DIPK1B: variants seen among roughly 807,000 people sequenced by gnomAD.
The protein encoded by DIPK1B is divergent protein kinase domain 1B, also known as family with sequence similarity 69 member B.
Under a neutral mutation model 20.7 loss-of-function variants are expected in DIPK1B, and 17 were observed. That is an observed-to-expected ratio of 0.82 (90% CI 0.56 to 1.23). DIPK1B has a LOEUF of 1.23. DIPK1B is among the 50% of genes most tolerant of loss of function. The pLI, the probability that DIPK1B is intolerant of heterozygous loss-of-function variation, is 0.00. For synonymous variants in DIPK1B, 343 were observed against 276.5 expected (o/e 1.24, Z -2.39); for missense variants, 648 against 601.8 (o/e 1.08, Z -0.80).
At chr9:136,722,089 G>A (rs1287528348) in intron 3 of DIPK1B, 36 bp from the exon 4 acceptor site, 2 of 1,613,558 alleles carry the variant, frequency 1.2e-6, no homozygotes, top group Non-Finnish European at 1.7e-6. Flanking sequence ...GTGGGAGGGG[G>A]ATGTCTGCAC....
intron 1 of DIPK1B, among the ~76,000 whole-genome samples, chr9:136,713,191 C>T (rs991684035): frequency 6.6e-6 from 1 of 152,126 alleles, no homozygotes; most frequent in African/African-American, 2.4e-5. Context: ...CTTGAACCAC[C>T]GTCCCCTCCA....
Position 136,723,537 on chromosome 9 carries a change from C to T in DIPK1B, c.1059C>T (p.Leu353=), listed in dbSNP as rs137968561. 96 of 1,600,102 alleles carry T rather than the reference C, an allele frequency of 6.0e-5. 1 individual carries two copies. In the Middle Eastern group the frequency reaches 8.3e-4, roughly 14 times the overall value. The part of the protein sequence containing the change: ...GRDCRAPCDR[L]MRQCKGDLIQ... ...ACTGCAGGGCCCCGTGTGACAGGCT[C>T]ATGAGGCAGTGCAAGGGCGACCTCA... The change falls in exon 5 of 5, where the codon CTC becomes CTT. Residue 353 remains leucine (L), a synonymous_variant. Transcript: ENST00000371692.
At position 136,723,621 on chromosome 9, in the gene DIPK1B, G is replaced by A. The variant is rs774837347; in HGVS notation, c.1143G>A (p.Ala381=). 2.9e-5 allele frequency: 46 copies of A among 1,578,420 alleles called. No homozygotes were observed. Among genetic ancestry groups the A allele is most frequent in the African/African-American group, 1.1e-4 (8 of 74,134 alleles). ...TACGGGGCTACCTGCTGCCTGGCGCGCCCGCCGACCTCCGCGAGGAGCTGG... is the reference window on the plus strand; with the variant it reads ...TACGGGGCTACCTGCTGCCTGGCGCACCCGCCGACCTCCGCGAGGAGCTGG... ...ALLRGYLLPG[A]PADLREELGT... The change falls in exon 5 of 5, where the codon GCG becomes GCA. Residue 381 remains alanine, a synonymous_variant. Coordinates refer to ENST00000371692, the MANE Select transcript of DIPK1B (RefSeq NM_152421.4).
Position 136,723,179 on chromosome 9 carries a change from T to G in DIPK1B, c.701T>G (p.Val234Gly), listed in dbSNP as rs1846641859. The change falls in exon 5 of 5, where the codon GTG becomes GGG. Residue 234 changes from valine (V) to glycine (G), a missense_variant. By Grantham distance (109) the Val-to-Gly change is moderately radical. Coordinates refer to ENST00000371692, the MANE Select transcript of DIPK1B (RefSeq NM_152421.4). ...GGGGACCTCTACCTCACCGAGGGCGTGCCGCATGGCGCCTGGCACGCGGCC... is the reference window on the plus strand; with the variant it reads ...GGGGACCTCTACCTCACCGAGGGCGGGCCGCATGGCGCCTGGCACGCGGCC... The part of the protein sequence containing the change: ...YCGDLYLTEG[V>G]PHGAWHAAAL... 3 of 1,612,960 alleles carry G rather than the reference T, an allele frequency of 1.9e-6. No homozygotes were observed. Among genetic ancestry groups the G allele is most frequent in the Non-Finnish European group, 1.7e-6 (2 of 1,179,912 alleles).
chr9:136,712,666 ATGCGGCGGC>A lies in DIPK1B; in HGVS notation c.9_17del (p.ArgArgLeu5_?7). 1.6e-6 allele frequency: 2 copies of A among 1,287,904 alleles called. No homozygotes were observed. Among genetic ancestry groups the A allele is most frequent in the East Asian group, 3.3e-5 (1 of 30,498 alleles). The allele number at this position is 1,287,904 out of a possible 1,614,324, so 79.8% of individuals were successfully genotyped here. On this transcript the variant is annotated start_lost and inframe_deletion, in exon 1 of 5. Coordinates refer to ENST00000371692, the MANE Select transcript of DIPK1B (RefSeq NM_152421.4). This position sits in a 1 kb window ranked among gnomAD's most constrained non-coding sequence, Gnocchi z 5.6. Reference sequence around the variant, plus strand: ...CGCGCAGCCCCGGCCGGAGCCCACCATGCGGCGGCTGCGGCGCCTGGCGCACCTGGTGCT... The same window carrying A: ...CGCGCAGCCCCGGCCGGAGCCCACCATGCGGCGCCTGGCGCACCTGGTGCT...
Position 136,723,396 on chromosome 9 carries a change from A to G in DIPK1B, c.918A>G (p.Thr306=), listed in dbSNP as rs555256443. 3.7e-6 allele frequency: 6 copies of G among 1,613,114 alleles called. No homozygotes were observed. In the Admixed American group the frequency reaches 1.0e-4, roughly 27 times the overall value. ...CCACACTGGCCAACGTGGGCTACAC[A>G]GCCACCTACGACTTCAAGATGGCCG... ...CETTLANVGY[T]ATYDFKMADL... Residue 306 remains threonine (T), a synonymous_variant, in exon 5 of 5, where the codon ACA becomes ACG. Transcript: ENST00000371692.
Position 136,722,277 on chromosome 9 carries a change from G to A in DIPK1B, c.459G>A (p.Arg153=). The change falls in exon 4 of 5, where the codon CGG becomes CGA. Residue 153 remains arginine (R), a synonymous_variant. Coordinates refer to ENST00000371692, the MANE Select transcript of DIPK1B (RefSeq NM_152421.4). ...PTRGTSIKEF[R]EMTLSFLKAN... ...GGGGCACCTCCATCAAGGAATTCCGGGAGATGACCCTCAGCTTCCTCAAGG... is the reference window on the plus strand; with the variant it reads ...GGGGCACCTCCATCAAGGAATTCCGAGAGATGACCCTCAGCTTCCTCAAGG... 1 of 1,613,668 alleles carries A rather than the reference G, an allele frequency of 6.2e-7. No homozygotes were observed. The highest frequency in any genetic ancestry group is 8.5e-7 in the Non-Finnish European group (1 of 1,179,868).
Position 136,723,617 on chromosome 9 carries a change from G to A in DIPK1B, c.1139G>A (p.Gly380Asp), listed in dbSNP as rs770023264. 8 of 1,581,036 alleles carry A rather than the reference G, an allele frequency of 5.1e-6. No homozygotes were observed. The East Asian group carries it at 1.6e-4, about 32-fold the overall frequency. The change falls in exon 5 of 5, where the codon GGC becomes GAC. Residue 380 changes from glycine (G) to aspartate (D), a missense_variant. Physicochemically the swap from Gly to Asp is moderately conservative, Grantham distance 94 (BLOSUM62 -1). Coordinates refer to ENST00000371692, the MANE Select transcript of DIPK1B (RefSeq NM_152421.4). ...CALLRGYLLP[G>D]APADLREELG... ...CTGCTACGGGGCTACCTGCTGCCTG[G>A]CGCGCCCGCCGACCTCCGCGAGGAG...
chr9:136,717,745 C>A (rs367773908), intron 2 of DIPK1B, 34 bp downstream of exon 2: 1 of 1,607,482 alleles, frequency 6.2e-7, no homozygotes, highest in Admixed American at 1.7e-5. Context: ...GGGACTGGGC[C>A]GTGCCCCCTG....
chr9:136,714,055 C>T (rs1045762038), intron 1 of DIPK1B, among the ~76,000 whole-genome samples: 10 of 152,182 alleles, frequency 6.6e-5, no homozygotes, highest in Admixed American at 1.3e-4. Context: ...AAGCTTTGCC[C>T]GTCCATCTGT....
intron 2 of DIPK1B, among the ~76,000 whole-genome samples, chr9:136,719,611 G>A (rs374411252): frequency 2.0e-5 from 3 of 152,210 alleles, no homozygotes; most frequent in South Asian, 2.1e-4. Context: ...ACCGATGTGC[G>A]GCAAGGGCCC....
intron 1 of DIPK1B, among the ~76,000 whole-genome samples, chr9:136,715,570 A>G (rs1042907302): frequency 1.5e-4 from 23 of 150,690 alleles, no homozygotes; most frequent in African/African-American, 5.1e-4. Context: ...GCTGGAGTGC[A>G]ATGGCGCCAT....
At position 136,724,074 on chromosome 9, in the gene DIPK1B, T is replaced by C. The variant is rs1846665697; in HGVS notation, c.*300T>C. 1 of 392,914 alleles carries C rather than the reference T, an allele frequency of 2.5e-6. No homozygotes were observed. The highest frequency in any genetic ancestry group is 4.2e-5 in the Admixed American group (1 of 23,878). The allele number at this position is 392,914 out of a possible 1,614,324, so 24.3% of individuals were successfully genotyped here. ...GAGCACCCTGAGCCCCCATCGATGC[T>C]GTGTGTGGGACCCTTCGCCCCGCTG... On this transcript the variant is annotated 3_prime_UTR_variant, in exon 5 of 5. Transcript: ENST00000371692.
rs201781438 is a variant in DIPK1B at position 136,722,200 on chromosome 9, C to T, written c.382C>T (p.Arg128Trp). The T allele has an allele frequency of 2.4e-4, 380 of 1,613,866 alleles. No individual in the cohort carries two copies. The highest frequency in any genetic ancestry group is 3.1e-4 in the Non-Finnish European group (364 of 1,179,996). The change falls in exon 4 of 5, where the codon CGG becomes TGG. Residue 128 changes from arginine (R) to tryptophan (W), a missense_variant. Coordinates refer to ENST00000371692, the MANE Select transcript of DIPK1B (RefSeq NM_152421.4). ...GIEETLDSKA[R>W]SDAAPRRELV... ...TGAGGAGACCCTCGACTCCAAGGCC[C>T]GGTCGGATGCGGCCCCCCGGCGGGA... is the stretch of plus-strand genomic sequence containing the variant.
rs145566301 is a variant in DIPK1B, at chr9:136,722,298, C to G, written c.480C>G (p.Leu160=). ...TCCGGGAGATGACCCTCAGCTTCCT[C>G]AAGGTCAGGCAGCTCTCCTAGGGGG... ...KEFREMTLSF[L]KANLGDLPSL... is the part of the protein sequence containing the mutation. The change falls in exon 4 of 5, where the codon CTC becomes CTG. Residue 160 remains leucine (L), a synonymous_variant. Coordinates refer to ENST00000371692, the MANE Select transcript of DIPK1B (RefSeq NM_152421.4). 1.9e-6 allele frequency: 3 copies of G among 1,611,352 alleles called. No individual in the cohort carries two copies. In the African/African-American group the frequency reaches 4.0e-5, roughly 22 times the overall value.
intron 1 of DIPK1B, among the ~76,000 whole-genome samples, chr9:136,715,035 G>A (rs1350316088): frequency 6.6e-6 from 1 of 152,262 alleles, no homozygotes; most frequent in East Asian, 1.9e-4. Context: ...CTCTGATGGG[G>A]GCTCTGGCTT....
chr9:136,724,135 G>T lies in DIPK1B; in HGVS notation c.*361G>T. On this transcript the variant is annotated 3_prime_UTR_variant, in exon 5 of 5. Coordinates refer to ENST00000371692, the MANE Select transcript of DIPK1B (RefSeq NM_152421.4). ...CAGCCCAGGCACTCAGGCTGGGGTT[G>T]AGCCCCTGAATCCTTCCTGGCGAGG... is the stretch of plus-strand genomic sequence containing the variant. 1 of 272,336 alleles carries T rather than the reference G, an allele frequency of 3.7e-6. No individual in the cohort carries two copies. Among genetic ancestry groups the T allele is most frequent in the Non-Finnish European group, 7.1e-6 (1 of 140,762 alleles). The allele number at this position is 272,336 out of a possible 1,614,324, so 16.9% of individuals were successfully genotyped here.
intron 2 of DIPK1B, among the ~76,000 whole-genome samples, chr9:136,719,591 C>T (rs1430485355): frequency 6.6e-6 from 1 of 152,200 alleles, no homozygotes; most frequent in Non-Finnish European, 1.5e-5. Context: ...ACAGGCTGGG[C>T]GGTGAGGGGA....
At chr9:136,716,549 G>A (rs1327917243) in intron 1 of DIPK1B, among the ~76,000 whole-genome samples, 1 of 152,032 alleles carries the variant, frequency 6.6e-6, no homozygotes, top group South Asian at 2.1e-4. Flanking sequence ...ATCACAGGGT[G>A]AGCCACCGCA....
Sources: allele counts gnomAD v4.1 joint callset (sites outside exome capture counted in the v4.1 genomes callset), GRCh38; gene constraint gnomAD v4.1.1; non-coding constraint Gnocchi (gnomAD v3.1); transcripts MANE v1.5; gene names NCBI Gene and HGNC (gene_info 2026-07-23, HGNC 2026-07-21).